The following TCF12 variants were observed in gnomAD, a reference collection of about 807,000 sequenced individuals.
The protein encoded by TCF12 is transcription factor 12, also known as DNA-binding protein HTF4.
TCF12 carries 45 observed loss-of-function variants against 86.0 expected under a neutral mutation model. The observed-to-expected ratio is 0.52, with a 90% confidence interval of 0.41 to 0.67. TCF12 has a LOEUF of 0.67. Ranked by LOEUF, TCF12 falls within the 30% of genes least tolerant of loss-of-function variation. TCF12 has a pLI of 0.00. For missense variants in TCF12, 881 were observed against 859.9 expected (o/e 1.02, Z -0.31); for synonymous variants, 330 against 299.6 (o/e 1.10, Z -1.05).
chr15:56,984,378 C>T (rs2063074509), intron 3 of TCF12, among the ~76,000 whole-genome samples: 1 of 150,942 alleles, frequency 6.6e-6, no homozygotes, highest in Non-Finnish European at 1.5e-5. Flanking sequence ...CATCCTTGTG[C>T]TAGCTCAGGT....
chr15:57,122,726 T>C (rs2051328599), intron 5 of TCF12, among the ~76,000 whole-genome samples: 1 of 152,262 alleles, frequency 6.6e-6, no homozygotes, highest in Non-Finnish European at 1.5e-5. Context: ...ACCTTTGGAA[T>C]GTATCTGTTA....
At chr15:57,076,569 C>G (rs554738837) in intron 4 of TCF12, among the ~76,000 whole-genome samples, 1 of 151,002 alleles carries the variant, frequency 6.6e-6, no homozygotes, top group Non-Finnish European at 1.5e-5. Flanking sequence ...AGGAGAATAG[C>G]GTGAACCCAG....
chr15:56,920,078 G>C, intron 2 of TCF12, 90 bp downstream of exon 2: 4,872 of 1,251,198 alleles, frequency 3.9e-3, no homozygotes, highest in Non-Finnish European at 5.2e-3. Context: ...GTGAGGGGAA[G>C]CAACGTGGAG....
At position 57,106,727 on chromosome 15, in the gene TCF12, G is replaced by C. The variant is rs2050156926; in HGVS notation, c.325+14836G>C. On this transcript the variant is annotated intron_variant, in intron 5 of 20. Transcript: ENST00000333725. ...AAGAACTTCTAAAATGTAACAAATA[G>C]AAAACTTGCACTGGGTTAAGAAATG... is the stretch of plus-strand genomic sequence containing the variant. 2.0e-5 allele frequency among the ~76,000 whole-genome samples: 3 copies of C among 152,268 alleles called. No individual in the cohort carries two copies. In the South Asian group the frequency reaches 6.2e-4, roughly 31 times the overall value.
chr15:57,253,995 T>G (rs1029691961), intron 16 of TCF12, among the ~76,000 whole-genome samples: 5 of 150,682 alleles, frequency 3.3e-5, no homozygotes, highest in African/African-American at 9.7e-5. Context: ...CAGTCCATCT[T>G]TTAAAAAAGT....
At chr15:57,045,402 G>C (rs1204721555) in intron 3 of TCF12, among the ~76,000 whole-genome samples, 2 of 152,114 alleles carry the variant, frequency 1.3e-5, no homozygotes, top group African/African-American at 4.8e-5. Context: ...ATAAACATGA[G>C]TATCTTTGTG....
chr15:57,270,816 C>T (rs534026484), intron 18 of TCF12, among the ~76,000 whole-genome samples: 15 of 152,280 alleles, frequency 9.9e-5, no homozygotes, highest in South Asian at 2.1e-4. Context: ...TCTAACAGAC[C>T]GGCCCCTCAG....
chr15:57,290,327 G>C (rs1283280391), downstream of TCF12, among the ~76,000 whole-genome samples: 17 of 109,418 alleles, frequency 1.6e-4, 1 homozygote, highest in Non-Finnish European at 2.7e-4. Context: ...AGGGGAACAA[G>C]AGCAAAACTG....
intron 3 of TCF12, among the ~76,000 whole-genome samples, chr15:56,933,905 A>G (rs1475893594): frequency 4.0e-5 from 6 of 151,898 alleles, no homozygotes; most frequent in Admixed American, 2.6e-4. Flanking sequence ...ATTATTTTAC[A>G]TATAAATATA....
At chr15:57,075,618 T>C (rs761017584) in intron 4 of TCF12, among the ~76,000 whole-genome samples, 10 of 152,032 alleles carry the variant, frequency 6.6e-5, no homozygotes, top group Admixed American at 2.0e-4. Flanking sequence ...TTATGAAACC[T>C]CCAGGACATA....
At chr15:57,177,204 A>G (rs1029042671) in intron 6 of TCF12, among the ~76,000 whole-genome samples, 1 of 152,106 alleles carries the variant, frequency 6.6e-6, no homozygotes, top group Non-Finnish European at 1.5e-5. Flanking sequence ...TGTTTGGAAC[A>G]TAGGTAAATA....
At chr15:57,226,184 T>C (rs2058867270) in intron 8 of TCF12, among the ~76,000 whole-genome samples, 1 of 151,764 alleles carries the variant, frequency 6.6e-6, no homozygotes, top group Non-Finnish European at 1.5e-5. Flanking sequence ...GGATATTCTT[T>C]TATTAATATT....
At chr15:56,958,674 A>T (rs1167586483) in intron 3 of TCF12, among the ~76,000 whole-genome samples, 6 of 64,472 alleles carry the variant, frequency 9.3e-5, no homozygotes, top group African/African-American at 2.8e-4. Flanking sequence ...AGAGAGAGAG[A>T]GAGAGTGTGT....
At position 57,137,676 on chromosome 15, in the gene TCF12, G is replaced by C. The variant is rs796739251; in HGVS notation, c.326-28726G>C. 3.9e-5 allele frequency among the ~76,000 whole-genome samples: 6 copies of C among 152,038 alleles called. No individual in the cohort carries two copies. In the East Asian group the frequency reaches 5.8e-4, roughly 15 times the overall value. The stretch of plus-strand genomic sequence containing the variant: ...GAGTGTAATAATTTGCAAATGTTTT[G>C]TTTATTTTTATATTGGCAGAGATTA... On this transcript the variant is annotated intron_variant, in intron 5 of 20. Transcript: ENST00000333725.
At chr15:57,271,286 T>G (rs1833442816) in intron 18 of TCF12, among the ~76,000 whole-genome samples, 3 of 152,256 alleles carry the variant, frequency 2.0e-5, no homozygotes, top group Admixed American at 2.0e-4. Flanking sequence ...TACTCAAGCC[T>G]CAGTAATGGT....
intron 6 of TCF12, among the ~76,000 whole-genome samples, chr15:57,173,229 T>TA (rs1377533255): frequency 9.9e-5 from 15 of 152,196 alleles, no homozygotes; most frequent in Admixed American, 7.9e-4. Flanking sequence ...GAAAATGTGA[T>TA]ATAACAAAAT....
In TCF12 at chr15:57,104,579, C is replaced by G. The variant is rs147681507; in HGVS notation, c.325+12688C>G. On this transcript the variant is annotated intron_variant, in intron 5 of 20. Transcript: ENST00000333725. Reference sequence around the variant, plus strand: ...GCCTCAGCCTCCGGAGTAGCTGGGACTACAGGCGCGCACACCCAGCTAATT... The same window carrying G: ...GCCTCAGCCTCCGGAGTAGCTGGGAGTACAGGCGCGCACACCCAGCTAATT... Among the ~76,000 whole-genome samples the G allele has an allele frequency of 4.7e-3, 701 of 149,886 alleles. 7 individuals are homozygous for G. The highest frequency in any genetic ancestry group is 0.016 in the African/African-American group (653 of 40,802).
Position 57,253,351 on chromosome 15 carries a change from T to C in TCF12, c.1350T>C (p.Pro450=). The C allele has an allele frequency of 6.2e-7, 1 of 1,614,172 alleles. No homozygotes were observed. Among genetic ancestry groups the C allele is most frequent in the Non-Finnish European group, 8.5e-7 (1 of 1,180,000 alleles). Reference sequence around the variant, plus strand: ...CTGTGGGACCTTCCACCAGTTTGCCTGCTGGTCACAGTGATATACATAGTT... The same window carrying C: ...CTGTGGGACCTTCCACCAGTTTGCCCGCTGGTCACAGTGATATACATAGTT... The part of the protein sequence containing the change: ...NHAVGPSTSL[P]AGHSDIHSLL... The change falls in exon 16 of 21, where the codon CCT becomes CCC. Residue 450 remains proline (P), a synonymous_variant. Coordinates refer to ENST00000333725, the MANE Select transcript of TCF12 (RefSeq NM_207037.2).
chr15:57,170,671 ATATAATATATT>A (rs2055291753), intron 6 of TCF12, among the ~76,000 whole-genome samples: 1 of 11,318 alleles, frequency 8.8e-5, no homozygotes, highest in African/African-American at 4.0e-4. Flanking sequence ...ATATATATAT[ATATAATATATT>A]ATATATAATA....
Sources: gnomAD v4.1 joint callset for allele counts (sites outside exome capture counted in the v4.1 genomes callset) on GRCh38, gnomAD v4.1.1 for gene constraint, MANE v1.5 for transcripts, NCBI Gene and HGNC (gene_info 2026-07-23, HGNC 2026-07-21) for gene names.